Variants in CNTNAP5 observed in about 807,000 individuals in gnomAD.
CNTNAP5 encodes the protein contactin-associated protein-like 5.
A neutral mutation model predicts 150.2 loss-of-function variants in CNTNAP5; 72 were observed. The ratio of observed to expected loss-of-function variants is 0.48; its 90% confidence interval spans 0.40 to 0.58. CNTNAP5 has a LOEUF of 0.58. CNTNAP5 is among the 20% of genes least tolerant of loss of function. The pLI is 0.00. For missense variants in CNTNAP5, 1,636 were observed against 1,626.2 expected (o/e 1.01, Z -0.10); for synonymous variants, 672 against 619.8 (o/e 1.08, Z -1.25).
chr2:124,150,659 G>A (rs148400876), intron 1 of CNTNAP5, among the ~76,000 whole-genome samples: 2 of 152,094 alleles, frequency 1.3e-5, no homozygotes, highest in Admixed American at 1.3e-4. Context: ...GAGAAAGAAA[G>A]AGAAAAAGAA....
rs1312322887 is a variant in CNTNAP5, at chr2:124,025,744, G to C, written c.82+12G>C. The C allele has an allele frequency of 6.2e-7, 1 of 1,604,318 alleles. No individual in the cohort carries two copies. Among genetic ancestry groups the C allele is most frequent in the Non-Finnish European group, 8.5e-7 (1 of 1,171,356 alleles). Reference sequence around the variant, plus strand: ...AACAGCGACAAACTGTGAGTACGAGGAGCTGGGGGCGGGAAGGTGAGGTGG... The same window carrying C: ...AACAGCGACAAACTGTGAGTACGAGCAGCTGGGGGCGGGAAGGTGAGGTGG... On this transcript the variant is annotated intron_variant, in intron 1 of 23. Coordinates refer to ENST00000682447, the MANE Select transcript of CNTNAP5 (RefSeq NM_001367498.1).
In CNTNAP5 at chr2:124,458,270, T is replaced by G. The variant is rs551021910; in HGVS notation, c.918+11333T>G. Reference sequence around the variant, plus strand: ...TATAAAATATATATTACATATACAATATAATATATATAATGTAATATTTTA... The same window carrying G: ...TATAAAATATATATTACATATACAAGATAATATATATAATGTAATATTTTA... On this transcript the variant is annotated intron_variant, in intron 6 of 23. Coordinates refer to ENST00000682447, the MANE Select transcript of CNTNAP5 (RefSeq NM_001367498.1). Among the ~76,000 whole-genome samples the G allele has an allele frequency of 1.2e-4, 15 of 125,354 alleles. No homozygotes were observed. In the Admixed American group the frequency reaches 1.5e-3, roughly 12 times the overall value. 82.2% of individuals were successfully genotyped at this position (125,354 alleles called of 152,430 possible). A position where few individuals can be genotyped will look rare whatever the true frequency, so the allele number is the denominator to read the frequency against.
intron 13 of CNTNAP5, among the ~76,000 whole-genome samples, chr2:124,714,180 GTAAGGGC>G (rs141743207): frequency 4.2e-4 from 64 of 152,040 alleles, no homozygotes; most frequent in African/African-American, 1.5e-3. Context: ...TCGCTTGAGT[GTAAGGGC>G]CTTGTAAGCT....
chr2:124,530,797 C>T lies in CNTNAP5; in HGVS notation c.1649+3341C>T, dbSNP rs960599567. 6.9e-4 allele frequency among the ~76,000 whole-genome samples: 105 copies of T among 152,140 alleles called. 2 individuals are homozygous for T. Among genetic ancestry groups the T allele is most frequent in the Non-Finnish European group, 1.3e-4 (9 of 68,042 alleles). ...ACCTCTAGGACACAGTGTGCAGCTGCTGCCCCTCTTCTGCAGGCCAAACCA... is the reference window on the plus strand; with the variant it reads ...ACCTCTAGGACACAGTGTGCAGCTGTTGCCCCTCTTCTGCAGGCCAAACCA... On this transcript the variant is annotated intron_variant, in intron 10 of 23. Transcript: ENST00000682447.
Position 124,872,528 on chromosome 2 carries a change from G to A in CNTNAP5, c.3436+2766G>A, listed in dbSNP as rs150236792. Among the ~76,000 whole-genome samples, 584 of 151,408 alleles carry A rather than the reference G, an allele frequency of 3.9e-3. 5 individuals are homozygous for A. Among genetic ancestry groups the A allele is most frequent in the African/African-American group, 0.013 (548 of 41,252 alleles). On this transcript the variant is annotated intron_variant, in intron 21 of 23. Coordinates refer to ENST00000682447, the MANE Select transcript of CNTNAP5 (RefSeq NM_001367498.1). ...ATTTTTTTTTTTTTAACTTCTGCCA[G>A]GTGCCAGGAGGTACTACCAATTTAG...
chr2:124,879,013 G>A (rs1677915134), intron 21 of CNTNAP5, among the ~76,000 whole-genome samples: 1 of 151,982 alleles, frequency 6.6e-6, no homozygotes, highest in African/African-American at 2.4e-5. Context: ...CATCTGAAAA[G>A]AGTTAACTAG....
At chr2:124,477,934 G>T (rs931016709) in intron 7 of CNTNAP5, among the ~76,000 whole-genome samples, 1 of 151,812 alleles carries the variant, frequency 6.6e-6, no homozygotes, top group Admixed American at 6.6e-5. Context: ...ACAACAGTAA[G>T]CTTATAAAAA....
intron 10 of CNTNAP5, among the ~76,000 whole-genome samples, chr2:124,537,714 G>C (rs1439550545): frequency 2.0e-5 from 3 of 152,158 alleles, no homozygotes; most frequent in Non-Finnish European, 4.4e-5. Context: ...AAAGAAGAAG[G>C]TTTTGGAGAA....
chr2:124,242,387 C>A lies in CNTNAP5; in HGVS notation c.375C>A (p.Ser125Arg), dbSNP rs750303852. ...GGAAACAGTACAAACAAGAAGACAG[C>A]ATCTGGGTAGGACATCTTTTTCCTT... ...RNWKQYKQEDSIWTFAGNMNA... is the reference protein window; with the variant it reads ...RNWKQYKQEDRIWTFAGNMNA... Residue 125 changes from serine to arginine, a missense_variant, in exon 3 of 24, where the codon AGC becomes AGA. By Grantham distance (110) the Ser-to-Arg change is moderately radical. Coordinates refer to ENST00000682447, the MANE Select transcript of CNTNAP5 (RefSeq NM_001367498.1). 1.2e-6 allele frequency: 2 copies of A among 1,612,438 alleles called. No homozygotes were observed. The highest frequency in any genetic ancestry group is 3.3e-5 in the Admixed American group (2 of 59,774).
chr2:124,053,344 T>G (rs933590998), intron 1 of CNTNAP5, among the ~76,000 whole-genome samples: 2 of 136,692 alleles, frequency 1.5e-5, no homozygotes, highest in Admixed American at 1.5e-4. Context: ...TTTGTTCTGC[T>G]TCCTTTTTCT....
At chr2:124,871,447 A>T (rs989339479) in intron 21 of CNTNAP5, among the ~76,000 whole-genome samples, 11 of 152,124 alleles carry the variant, frequency 7.2e-5, no homozygotes, top group Admixed American at 5.2e-4. Context: ...AACCAGGTAT[A>T]CATGTCTCTC....
At chr2:124,552,884 G>A (rs6737961) in intron 10 of CNTNAP5, among the ~76,000 whole-genome samples, 11,951 of 152,106 alleles carry the variant, frequency 0.079, 522 homozygotes, top group African/African-American at 0.11. Flanking sequence ...TCGTTTTAAT[G>A]TCTCATGGCA....
chr2:124,531,733 A>G (rs1695113670), intron 10 of CNTNAP5, among the ~76,000 whole-genome samples: 1 of 152,196 alleles, frequency 6.6e-6, no homozygotes, highest in Non-Finnish European at 1.5e-5. Flanking sequence ...ACTATCTAGC[A>G]AGGAGGCACT....
At chr2:124,133,968 G>A (rs546137753) in intron 1 of CNTNAP5, among the ~76,000 whole-genome samples, 1 of 152,350 alleles carries the variant, frequency 6.6e-6, no homozygotes, top group East Asian at 1.9e-4. Flanking sequence ...TGAAGCAGCT[G>A]TGGTCTGATG....
chr2:124,138,596 C>T (rs1231601954), intron 1 of CNTNAP5, among the ~76,000 whole-genome samples: 1 of 152,166 alleles, frequency 6.6e-6, no homozygotes, highest in Non-Finnish European at 1.5e-5. Context: ...ATACATTGGG[C>T]TTCAACTGTT....
intron 1 of CNTNAP5, among the ~76,000 whole-genome samples, chr2:124,032,880 A>T (rs1681101486): frequency 6.6e-6 from 1 of 152,160 alleles, no homozygotes; most frequent in Non-Finnish European, 1.5e-5. Flanking sequence ...CATCATCCTG[A>T]TGCATCTTCT....
At chr2:124,574,035 T>C (rs1696222388) in intron 11 of CNTNAP5, among the ~76,000 whole-genome samples, 1 of 152,250 alleles carries the variant, frequency 6.6e-6, no homozygotes, top group Non-Finnish European at 1.5e-5. Flanking sequence ...ATCCTTTCTA[T>C]GCTGCTAGGT....
chr2:124,326,572 T>G (rs966756363), intron 3 of CNTNAP5, among the ~76,000 whole-genome samples: 36 of 152,272 alleles, frequency 2.4e-4, no homozygotes, highest in African/African-American at 7.2e-4. Flanking sequence ...AAATCTCTGC[T>G]GTCAAATTTA....
At chr2:124,371,823 A>G (rs1026109188) in intron 3 of CNTNAP5, among the ~76,000 whole-genome samples, 6 of 152,252 alleles carry the variant, frequency 3.9e-5, no homozygotes, top group Middle Eastern at 3.4e-3. Flanking sequence ...TGATGGATCC[A>G]ACAATACAGA....
Sources: allele counts gnomAD v4.1 joint callset (sites outside exome capture counted in the v4.1 genomes callset), GRCh38; gene constraint gnomAD v4.1.1; transcripts MANE v1.5; gene names NCBI Gene and HGNC (gene_info 2026-07-23, HGNC 2026-07-21).